Variants in SLC9C1 observed in about 807,000 individuals in gnomAD.
SLC9C1 encodes the protein sodium/hydrogen exchanger 10.
In SLC9C1, 97 loss-of-function variants were observed where a neutral mutation model predicts 140.9. The ratio of observed to expected loss-of-function variants is 0.69; its 90% CI spans 0.58 to 0.82. The LOEUF (loss-of-function observed/expected upper bound fraction) is 0.82, where lower values mean the gene tolerates loss of function less well. Ranked by LOEUF, SLC9C1 falls within the 40% of genes least tolerant of loss-of-function variation. The pLI is 0.00. For missense variants in SLC9C1, 1,340 were observed against 1,389.3 expected, an observed-to-expected ratio of 0.96 and a Z score of 0.56; for synonymous variants, 440 against 442.6, an observed-to-expected ratio of 0.99 and a Z score of 0.07.
chr3:112,148,441 TTAA>T (rs1299719858), intron 28 of SLC9C1, among the ~76,000 whole-genome samples: 1 of 152,164 alleles, frequency 6.6e-6, no homozygotes, highest in African/African-American at 2.4e-5. Flanking sequence ...CTTTTTCCCT[TTAA>T]TAATATTATT....
chr3:112,187,531 T>A (rs1206904100), intron 20 of SLC9C1, among the ~76,000 whole-genome samples: 1 of 152,180 alleles, frequency 6.6e-6, no homozygotes, highest in South Asian at 2.1e-4. Flanking sequence ...CAATAGAAGA[T>A]CAAGCGAGAC....
intron 14 of SLC9C1, 57 bp from the exon 15 acceptor site, chr3:112,217,618 G>A: frequency 6.8e-7 from 1 of 1,465,084 alleles, no homozygotes; most frequent in Non-Finnish European, 9.1e-7. Context: ...TAAGTTTAAT[G>A]TTGTACTGGA....
chr3:112,283,866 G>A lies in SLC9C1; in HGVS notation c.88+2838C>T, dbSNP rs545632108. Among the ~76,000 whole-genome samples, 15 of 132,176 alleles carry A rather than the reference G, an allele frequency of 1.1e-4. No homozygotes were observed. In the East Asian group the frequency reaches 2.9e-3, roughly 26 times the overall value. The allele number at this position is 132,176 out of a possible 152,430, so 86.7% of individuals were successfully genotyped here. On this transcript the variant is annotated intron_variant, in intron 2 of 28. Coordinates refer to ENST00000305815, the MANE Select transcript of SLC9C1 (RefSeq NM_183061.3). ...TGCAAAAAAAAAAAAAAAAAGATGG[G>A]CATCATGATCGGTCGCCTATTACAT...
intron 12 of SLC9C1, among the ~76,000 whole-genome samples, chr3:112,233,258 T>C (rs1262355750): frequency 2.0e-5 from 3 of 151,636 alleles, no homozygotes; most frequent in Non-Finnish European, 2.9e-5. Flanking sequence ...TATAGACACA[T>C]GGTTTTGGCA....
At chr3:112,234,919 C>A (rs62279492) in intron 12 of SLC9C1, among the ~76,000 whole-genome samples, 44,495 of 151,414 alleles carry the variant, frequency 0.29, 6,723 homozygotes, top group East Asian at 0.36. Context: ...ATGATGCCTC[C>A]AGCTTTGTTC....
Position 112,262,927 on chromosome 3 carries a change from A to G in SLC9C1, c.1194T>C (p.Ser398=). ...DLYFGSDKEK[S]QILFHGVLVC... ...AAGAAAATACAGCTTTCTTTACTTG[A>G]GATTTTTCTTTGTCAGATCCAAAAT... Residue 398 remains serine (S), a synonymous_variant, in exon 10 of 29, where the codon TCT becomes TCC. Transcript: ENST00000305815. 6.4e-7 allele frequency: 1 copy of G among 1,569,440 alleles called. No homozygotes were observed. Among genetic ancestry groups the G allele is most frequent in the Non-Finnish European group, 8.6e-7 (1 of 1,165,174 alleles).
chr3:112,155,315 C>G (rs2075099178), intron 26 of SLC9C1, among the ~76,000 whole-genome samples: 1 of 152,060 alleles, frequency 6.6e-6, no homozygotes, highest in African/African-American at 2.4e-5. Context: ...TCCCAAAATA[C>G]TTTTATATTA....
rs78179648 is a variant in SLC9C1, at chr3:112,243,943, C to T, written c.1279+52G>A. Reference sequence around the variant, plus strand: ...TTTCTTTATTATTAGCACTTCTTTACCATACTTAGAATGTTTTTCTCTCCA... The same window carrying T: ...TTTCTTTATTATTAGCACTTCTTTATCATACTTAGAATGTTTTTCTCTCCA... On this transcript the variant is annotated intron_variant, in intron 11 of 28. Transcript: ENST00000305815. The T allele has an allele frequency of 9.0e-4, 1,115 of 1,241,906 alleles. 21 individuals carry two copies. In the East Asian group the frequency reaches 0.024, roughly 27 times the overall value. 76.9% of individuals were successfully genotyped at this position (1,241,906 alleles called of 1,614,324 possible).
chr3:112,230,542 A>G (rs2078792985), intron 13 of SLC9C1, among the ~76,000 whole-genome samples: 1 of 152,168 alleles, frequency 6.6e-6, no homozygotes, highest in African/African-American at 2.4e-5. Context: ...GAAGTTATTT[A>G]TGTCCTTAAA....
intron 23 of SLC9C1, among the ~76,000 whole-genome samples, chr3:112,171,736 A>G (rs553609185): frequency 6.6e-6 from 1 of 152,324 alleles, no homozygotes; most frequent in East Asian, 1.9e-4. Flanking sequence ...TATAATTTAT[A>G]TAGTTCTATC....
At chr3:112,227,374 T>G (rs962709358) in intron 13 of SLC9C1, among the ~76,000 whole-genome samples, 3 of 152,034 alleles carry the variant, frequency 2.0e-5, no homozygotes, top group Non-Finnish European at 4.4e-5. Flanking sequence ...TAACAGCACA[T>G]CAAAAAGATT....
At chr3:112,168,842 T>G (rs200107729) in intron 25 of SLC9C1, 35 bp downstream of exon 25, 875 of 1,516,012 alleles carry the variant, frequency 5.8e-4, no homozygotes, top group Non-Finnish European at 7.2e-4. Context: ...ACATATGGCA[T>G]ATTGATCTGA....
At chr3:112,254,750 C>T (rs1291567550) in intron 10 of SLC9C1, among the ~76,000 whole-genome samples, 3 of 152,052 alleles carry the variant, frequency 2.0e-5, no homozygotes, top group African/African-American at 7.2e-5. Flanking sequence ...CAATAATAAC[C>T]TTGACTATAA....
At chr3:112,277,910 T>C in intron 4 of SLC9C1, 50 bp from the exon 5 acceptor site, 2 of 1,437,460 alleles carry the variant, frequency 1.4e-6, no homozygotes, top group Non-Finnish European at 1.9e-6. Context: ...TTGTAGTCCA[T>C]TTTAAGAAGA....
At chr3:112,202,190 A>G in intron 18 of SLC9C1, 60 bp downstream of exon 18, 1 of 1,574,950 alleles carries the variant, frequency 6.3e-7, no homozygotes. Flanking sequence ...GAAAAAAATG[A>G]TGGATGAGGG....
At chr3:112,228,041 C>T (rs1384496439) in intron 13 of SLC9C1, among the ~76,000 whole-genome samples, 1 of 152,052 alleles carries the variant, frequency 6.6e-6, no homozygotes, top group Non-Finnish European at 1.5e-5. Context: ...ATAGAGAAAA[C>T]ATTCCTAAAA....
chr3:112,188,850 A>G (rs2077591030), intron 20 of SLC9C1, among the ~76,000 whole-genome samples: 1 of 152,198 alleles, frequency 6.6e-6, no homozygotes, highest in African/African-American at 2.4e-5. Flanking sequence ...ACTCCCACCA[A>G]CAGTGTAAAA....
intron 26 of SLC9C1, among the ~76,000 whole-genome samples, chr3:112,160,031 T>C (rs1246265195): frequency 6.6e-6 from 1 of 151,762 alleles, no homozygotes; most frequent in African/African-American, 2.4e-5. Context: ...ATGCTTTATC[T>C]TTTAATTGGA....
chr3:112,150,841 T>TA (rs1491261631), intron 28 of SLC9C1, among the ~76,000 whole-genome samples: 451 of 34,552 alleles, frequency 0.013, 9 homozygotes, highest in South Asian at 0.07. Flanking sequence ...TATATATATA[T>TA]TTTTTTTTTT....
Sources: allele counts gnomAD v4.1 joint callset (sites outside exome capture counted in the v4.1 genomes callset), GRCh38; gene constraint gnomAD v4.1.1; transcripts MANE v1.5; gene names NCBI Gene and HGNC (gene_info 2026-07-23, HGNC 2026-07-21).